FAM156A: variants seen among roughly 807,000 people sequenced by gnomAD.
FAM156A encodes protein FAM156A/FAM156B.
intron 1 of FAM156A, among the ~76,000 whole-genome samples, chrX:52,990,733 G>A (rs1930644286): frequency 9.3e-6 from 1 of 108,047 alleles, no homozygotes; most frequent in African/African-American, 3.4e-5. Flanking sequence ...GCAGTGAGCC[G>A]AGATCGCTCC....
chrX:52,978,653 T>TA (rs1212616430), intron 1 of FAM156A, among the ~76,000 whole-genome samples: 12 of 112,480 alleles, frequency 1.1e-4, no homozygotes, highest in African/African-American at 3.9e-4. Context: ...GCACAGGCAA[T>TA]AGATATTTGA....
chrX:52,990,788 A>AAAAG (rs1930673140), intron 1 of FAM156A, among the ~76,000 whole-genome samples: 2 of 79,050 alleles, frequency 2.5e-5, no homozygotes, highest in East Asian at 3.9e-4. Context: ...TCAAGAAAAG[A>AAAAG]AAAGAAAAGA....
intron 1 of FAM156A, among the ~76,000 whole-genome samples, chrX:52,989,737 A>G (rs1392132568): frequency 8.9e-6 from 1 of 111,805 alleles, no homozygotes; most frequent in African/African-American, 3.3e-5. Context: ...GACAGGGTGG[A>G]GGCGGAGCCG....
At chrX:52,988,196 A>G (rs1202407741) in intron 1 of FAM156A, among the ~76,000 whole-genome samples, 2 of 107,536 alleles carry the variant, frequency 1.9e-5, no homozygotes, top group African/African-American at 6.8e-5. Flanking sequence ...CAGTGAGCCG[A>G]GATCACGCCA....
chrX:52,976,547 C>A (rs1412350430), intron 1 of FAM156A, among the ~76,000 whole-genome samples: 1 of 112,255 alleles, frequency 8.9e-6, no homozygotes, highest in Non-Finnish European at 1.9e-5. Context: ...GAGTTTCCCA[C>A]TTAGAGAGCA....
intron 1 of FAM156A, among the ~76,000 whole-genome samples, chrX:52,984,699 C>T (rs1247872594): frequency 9.0e-6 from 1 of 111,036 alleles, no homozygotes; most frequent in Non-Finnish European, 1.9e-5. Context: ...GAAACCCCAT[C>T]TGTACTAAAA....
chrX:52,989,239 C>T (rs782163149), intron 1 of FAM156A, among the ~76,000 whole-genome samples: 48 of 110,908 alleles, frequency 4.3e-4, no homozygotes, highest in African/African-American at 1.6e-3. Flanking sequence ...AGGTGGCCAC[C>T]CCAGAACACT....
chrX:52,991,797 A>G (rs1353354163), intron 1 of FAM156A, among the ~76,000 whole-genome samples: 1 of 109,754 alleles, frequency 9.1e-6, no homozygotes, highest in Non-Finnish European at 1.9e-5. Context: ...AACCTATTCC[A>G]GCCAGGGAGA....
chrX:52,977,051 CACACACATATATACATAT>C (rs1929525653), intron 1 of FAM156A, among the ~76,000 whole-genome samples: 1 of 104,921 alleles, frequency 9.5e-6, no homozygotes, highest in Non-Finnish European at 1.9e-5. Flanking sequence ...TATATATATA[CACACACATATATACATAT>C]ACATATATAC....
intron 1 of FAM156A, among the ~76,000 whole-genome samples, chrX:52,976,271 T>C (rs1929462066): frequency 1.8e-5 from 2 of 111,038 alleles, no homozygotes; most frequent in Non-Finnish European, 3.8e-5. Flanking sequence ...TGGTGAAACC[T>C]GGTCTCTACT....
At chrX:52,975,886 C>A (rs1929432536) in intron 1 of FAM156A, among the ~76,000 whole-genome samples, 1 of 111,942 alleles carries the variant, frequency 8.9e-6, no homozygotes, top group Admixed American at 9.5e-5. Context: ...GCAGCCTCCT[C>A]TTATGGACAT....
At chrX:52,977,643 C>T (rs1254148406) in intron 1 of FAM156A, among the ~76,000 whole-genome samples, 2 of 110,616 alleles carry the variant, frequency 1.8e-5, no homozygotes, top group Non-Finnish European at 3.8e-5. Flanking sequence ...ACTACATTGC[C>T]CAGGATGATC....
intron 1 of FAM156A, among the ~76,000 whole-genome samples, chrX:52,991,284 T>C (rs894248000): frequency 3.6e-5 from 4 of 110,719 alleles, no homozygotes; most frequent in Non-Finnish European, 7.6e-5. Flanking sequence ...AGAGGCATAA[T>C]TCATGGAGTC....
At chrX:52,984,476 G>A (rs1930124383) in intron 1 of FAM156A, among the ~76,000 whole-genome samples, 1 of 112,551 alleles carries the variant, frequency 8.9e-6, no homozygotes, top group Non-Finnish European at 1.9e-5. Flanking sequence ...CCTGATGCCT[G>A]GCAAGGGCCA....
At chrX:52,985,071 C>A (rs1930178474) in intron 1 of FAM156A, among the ~76,000 whole-genome samples, 1 of 110,554 alleles carries the variant, frequency 9.0e-6, no homozygotes. Flanking sequence ...TTTACAGAAC[C>A]ATCTACATAA....
At chrX:52,978,257 T>G (rs1349151348) in intron 1 of FAM156A, among the ~76,000 whole-genome samples, 1 of 111,565 alleles carries the variant, frequency 9.0e-6, no homozygotes, top group Non-Finnish European at 1.9e-5. Context: ...AATCTAAACA[T>G]CATCCAAGGG....
intron 1 of FAM156A, among the ~76,000 whole-genome samples, chrX:52,980,367 G>C (rs1556793152): frequency 1.8e-5 from 2 of 111,906 alleles, no homozygotes; most frequent in Non-Finnish European, 3.8e-5. Context: ...AATCAAGCGG[G>C]AGATGTTGGT....
chrX:52,984,493 TA>T (rs781854981), intron 1 of FAM156A, among the ~76,000 whole-genome samples: 144 of 112,673 alleles, frequency 1.3e-3, no homozygotes, highest in South Asian at 5.8e-3. Flanking sequence ...GCCAACATGG[TA>T]AGCAGGCCCT....
At chrX:52,977,015 C>T (rs932211702) in intron 1 of FAM156A, among the ~76,000 whole-genome samples, 17 of 103,668 alleles carry the variant, frequency 1.6e-4, no homozygotes, top group African/African-American at 6.0e-4. Flanking sequence ...TGGCACTATA[C>T]ATATATATAT....
Sources: gnomAD v4.1 joint callset for allele counts (sites outside exome capture counted in the v4.1 genomes callset) on GRCh38, gnomAD v4.1.1 for gene constraint, MANE v1.5 for transcripts, NCBI Gene and HGNC (gene_info 2026-07-23, HGNC 2026-07-21) for gene names.